Variants in RIMS1 observed in about 807,000 individuals in gnomAD.
RIMS1 encodes the protein regulating synaptic membrane exocytosis protein 1.
A neutral mutation model predicts 214.1 loss-of-function variants in RIMS1; 83 were observed. The observed-to-expected ratio is 0.39, with a 90% CI of 0.32 to 0.47. The LOEUF is 0.47. Ranked by LOEUF, RIMS1 falls within the 20% of genes least tolerant of loss-of-function variation. The probability of loss-of-function intolerance (pLI) is 0.99; values close to 1 mark genes in which losing one functional copy is unlikely to be tolerated. For missense variants in RIMS1, 2,050 were observed against 2,161.8 expected (o/e 0.95, Z 1.03); for synonymous variants, 793 against 786.8 (o/e 1.01, Z -0.13).
intron 2 of RIMS1, among the ~76,000 whole-genome samples, chr6:71,969,289 A>C (rs1351445948): frequency 6.6e-6 from 1 of 152,220 alleles, no homozygotes; most frequent in Non-Finnish European, 1.5e-5. Context: ...GTTGAAGAAA[A>C]GGGACAGTTT....
intron 26 of RIMS1, among the ~76,000 whole-genome samples, chr6:72,294,983 A>G (rs979928725): frequency 2.0e-5 from 3 of 151,744 alleles, no homozygotes; most frequent in East Asian, 1.9e-4. Context: ...TTTCAACACA[A>G]TATCCCAGCA....
chr6:72,383,310 C>A (rs1026057060), intron 29 of RIMS1, among the ~76,000 whole-genome samples: 1 of 152,154 alleles, frequency 6.6e-6, no homozygotes, highest in African/African-American at 2.4e-5. Context: ...TGATGGGTTT[C>A]TTTCCTTTTC....
At chr6:72,109,729 G>T (rs1402100239) in intron 4 of RIMS1, among the ~76,000 whole-genome samples, 33 of 152,234 alleles carry the variant, frequency 2.2e-4, no homozygotes, top group Admixed American at 7.2e-4. Flanking sequence ...GTCAATTTTG[G>T]CTTTTGTTGC....
intron 16 of RIMS1, among the ~76,000 whole-genome samples, chr6:72,253,665 G>A (rs555581949): frequency 5.9e-5 from 9 of 152,024 alleles, no homozygotes; most frequent in Non-Finnish European, 1.0e-4. Flanking sequence ...TGATATATAT[G>A]CCCTTTATTT....
chr6:72,220,692 G>T (rs1185080818), intron 6 of RIMS1, among the ~76,000 whole-genome samples: 1 of 152,038 alleles, frequency 6.6e-6, no homozygotes, highest in African/African-American at 2.4e-5. Flanking sequence ...ATCTCCAAAA[G>T]ATAAATATGT....
chr6:71,922,245 A>G (rs1780222374), intron 1 of RIMS1, among the ~76,000 whole-genome samples: 1 of 152,200 alleles, frequency 6.6e-6, no homozygotes, highest in African/African-American at 2.4e-5. Flanking sequence ...TGTGATCATC[A>G]TCAGTATCTA....
chr6:72,191,813 G>C (rs542628283), intron 6 of RIMS1, among the ~76,000 whole-genome samples: 2 of 152,150 alleles, frequency 1.3e-5, no homozygotes, highest in African/African-American at 4.8e-5. Context: ...ATTCACTGTC[G>C]TTCTCCAAGA....
intron 22 of RIMS1, among the ~76,000 whole-genome samples, chr6:72,270,180 G>A (rs1241595977): frequency 1.3e-5 from 2 of 152,044 alleles, no homozygotes; most frequent in African/African-American, 4.8e-5. Context: ...AAAATCAACA[G>A]CTATAAATTG....
intron 19 of RIMS1, chr6:72,263,161 C>T (rs1356606588): frequency 6.1e-6 from 6 of 984,158 alleles, no homozygotes; most frequent in Non-Finnish European, 7.2e-6. Context: ...AACTTTGCAA[C>T]TGAAAGTGTC....
chr6:72,100,957 T>A (rs1174477507), intron 4 of RIMS1, among the ~76,000 whole-genome samples: 1 of 151,982 alleles, frequency 6.6e-6, no homozygotes, highest in Non-Finnish European at 1.5e-5. Flanking sequence ...GATAATCTAT[T>A]TTTGGTATTT....
At chr6:72,174,565 T>C (rs1346166329) in intron 4 of RIMS1, among the ~76,000 whole-genome samples, 1 of 152,214 alleles carries the variant, frequency 6.6e-6, no homozygotes, top group Non-Finnish European at 1.5e-5. Flanking sequence ...CAACACACTT[T>C]TCACTGCAGA....
chr6:72,230,581 T>C (rs2061632248), intron 6 of RIMS1, among the ~76,000 whole-genome samples: 1 of 151,612 alleles, frequency 6.6e-6, no homozygotes, highest in African/African-American at 2.4e-5. Context: ...TCCATTGCGC[T>C]TTAACACTAG....
At chr6:71,985,528 A>G (rs1477361976) in intron 2 of RIMS1, among the ~76,000 whole-genome samples, 1 of 152,210 alleles carries the variant, frequency 6.6e-6, no homozygotes, top group Non-Finnish European at 1.5e-5. Flanking sequence ...TATCTTCATG[A>G]TGGAAATACT....
chr6:72,399,131 G>A, intron 33 of RIMS1, 37 bp downstream of exon 33: 3 of 1,540,834 alleles, frequency 1.9e-6, no homozygotes, highest in Non-Finnish European at 2.6e-6. Context: ...ACATTGAAAT[G>A]TCTGTTTTAC....
chr6:71,918,268 A>G (rs1233970555), intron 1 of RIMS1, among the ~76,000 whole-genome samples: 1 of 152,146 alleles, frequency 6.6e-6, no homozygotes, highest in Non-Finnish European at 1.5e-5. Flanking sequence ...GAGGTGATCA[A>G]TGAGACAGAA....
At chr6:72,209,219 G>T (rs543305396) in intron 6 of RIMS1, among the ~76,000 whole-genome samples, 1 of 152,160 alleles carries the variant, frequency 6.6e-6, no homozygotes, top group Admixed American at 6.6e-5. Flanking sequence ...GATAGATAGC[G>T]TCAAATACTT....
chr6:72,075,306 C>G (rs139546648), intron 2 of RIMS1, among the ~76,000 whole-genome samples: 1 of 152,236 alleles, frequency 6.6e-6, no homozygotes, highest in Non-Finnish European at 1.5e-5. Flanking sequence ...GAGTGTCTTA[C>G]TAGTTTTTCC....
chr6:72,379,323 G>A (rs1002678115), intron 29 of RIMS1, among the ~76,000 whole-genome samples: 22 of 152,200 alleles, frequency 1.4e-4, no homozygotes, highest in African/African-American at 5.3e-4. Flanking sequence ...TAGACCCAAA[G>A]TAGCTGCTCT....
intron 26 of RIMS1, chr6:72,295,957 T>C: frequency 5.8e-6 from 3 of 516,444 alleles, no homozygotes; most frequent in Non-Finnish European, 7.7e-6. Context: ...ATATAACTCT[T>C]CCACAAAAGG....
Sources: gnomAD v4.1 joint callset for allele counts (sites outside exome capture counted in the v4.1 genomes callset) on GRCh38, gnomAD v4.1.1 for gene constraint, MANE v1.5 for transcripts, NCBI Gene and HGNC (gene_info 2026-07-23, HGNC 2026-07-21) for gene names.